The following HIP1 variants were observed in gnomAD, a reference collection of about 807,000 sequenced individuals.
HIP1 encodes huntingtin interacting protein 1, also known as huntingtin-interacting protein 1.
HIP1 carries 65 observed loss-of-function variants against 147.6 expected under a neutral mutation model. The ratio of observed to expected loss-of-function variants is 0.44; its 90% confidence interval spans 0.36 to 0.54. The LOEUF is 0.54. Ranked by LOEUF, HIP1 falls within the 20% of genes least tolerant of loss-of-function variation. The pLI is 0.00. For missense variants in HIP1, 1,061 were observed against 1,299.6 expected, an observed-to-expected ratio of 0.82 and a Z score of 2.82; for synonymous variants, 479 against 504.0, an observed-to-expected ratio of 0.95 and a Z score of 0.67.
chr7:75,559,927 C>A lies in HIP1; in HGVS notation c.1192-12G>T, dbSNP rs782564908. On this transcript the variant is annotated splice_polypyrimidine_tract_variant and intron_variant, in intron 13 of 30. Coordinates refer to ENST00000336926, the MANE Select transcript of HIP1 (RefSeq NM_005338.7). ...ACAACCCGCTGGCTCTGTGGGGGGA[C>A]TCCGGTCATGAGGCCAACCGCCCAC... is the stretch of plus-strand genomic sequence containing the variant. The A allele has an allele frequency of 2.5e-6, 4 of 1,584,650 alleles. No individual in the cohort carries two copies. In the East Asian group the frequency reaches 9.0e-5, roughly 36 times the overall value.
intron 1 of HIP1, among the ~76,000 whole-genome samples, chr7:75,651,195 C>G (rs1483269862): frequency 6.6e-6 from 1 of 151,912 alleles, no homozygotes; most frequent in African/African-American, 2.4e-5. Context: ...CACAGTGGCT[C>G]ACACCTGTAA....
Position 75,553,596 on chromosome 7 carries a change from A to G in HIP1, c.2159-7T>C, listed in dbSNP as rs1554492566. The G allele has an allele frequency of 1.2e-6, 2 of 1,611,866 alleles. No homozygotes were observed. The highest frequency in any genetic ancestry group is 2.7e-5 in the African/African-American group (2 of 74,836). ...TTACAGGCCTCGGTCAGTGCTGGAG[A>G]TACAAGGCAATAGACACTTTTTTTT... On this transcript the variant is annotated splice_region_variant and splice_polypyrimidine_tract_variant and intron_variant, in intron 21 of 30. Transcript: ENST00000336926.
At chr7:75,681,943 G>A (rs990081314) in intron 1 of HIP1, among the ~76,000 whole-genome samples, 1 of 151,514 alleles carries the variant, frequency 6.6e-6, no homozygotes, top group Non-Finnish European at 1.5e-5. Flanking sequence ...CCTGCTCATG[G>A]AAAGAGGTCA....
At chr7:75,692,284 G>A (rs2117300491) in intron 1 of HIP1, among the ~76,000 whole-genome samples, 1 of 151,716 alleles carries the variant, frequency 6.6e-6, no homozygotes, top group Middle Eastern at 3.4e-3. Flanking sequence ...TTTAAGGCAG[G>A]GTCTTGCTGT....
At chr7:75,628,780 G>C (rs1554508406) in intron 1 of HIP1, among the ~76,000 whole-genome samples, 1 of 152,146 alleles carries the variant, frequency 6.6e-6, no homozygotes, top group African/African-American at 2.4e-5. Flanking sequence ...CATGCGGCCT[G>C]TACCTCTTTT....
chr7:75,553,345 T>G, intron 22 of HIP1, 108 bp downstream of exon 22: 1 of 1,346,436 alleles, frequency 7.4e-7, no homozygotes, highest in Non-Finnish European at 1.0e-6. Flanking sequence ...AGAATCAAGT[T>G]CTAAGTGCAG....
At position 75,592,458 on chromosome 7, in the gene HIP1, T is replaced by C. The variant is rs782393750; in HGVS notation, c.241A>G (p.Asn81Asp). The C allele has an allele frequency of 1.2e-6, 2 of 1,612,492 alleles. No homozygotes were observed. Among genetic ancestry groups the C allele is most frequent in the East Asian group, 4.5e-5 (2 of 44,866 alleles). ...KGAQTFWSVV[N>D]RLPLSSNAVL... ...GCGTTGCTAGACAGAGGCAGGCGGTTGACAACAGACCAGAAGGTCTGTGCC... is the reference window on the plus strand; with the variant it reads ...GCGTTGCTAGACAGAGGCAGGCGGTCGACAACAGACCAGAAGGTCTGTGCC... Residue 81 changes from asparagine to aspartate, a missense_variant, in exon 3 of 31, where the codon AAC becomes GAC. Around this residue, in one of 3 missense-constraint regions of HIP1, gnomAD observed 225 missense variants for 292.9 expected, o/e 0.77. Coordinates refer to ENST00000336926, the MANE Select transcript of HIP1 (RefSeq NM_005338.7).
At chr7:75,638,744 T>G (rs1399588978) in intron 1 of HIP1, among the ~76,000 whole-genome samples, 1 of 151,750 alleles carries the variant, frequency 6.6e-6, no homozygotes, top group Non-Finnish European at 1.5e-5. Context: ...CTGCCCTCCC[T>G]CCCGTCCGGC....
intron 1 of HIP1, among the ~76,000 whole-genome samples, chr7:75,736,123 C>T (rs926429933): frequency 1.3e-5 from 2 of 151,776 alleles, no homozygotes; most frequent in Non-Finnish European, 2.9e-5. Flanking sequence ...TCTTTTTCTG[C>T]TCCACTCTAC....
chr7:75,534,881 A>G lies in HIP1; in HGVS notation c.*3291T>C. On this transcript the variant is annotated 3_prime_UTR_variant, in exon 31 of 31. Coordinates refer to ENST00000336926, the MANE Select transcript of HIP1 (RefSeq NM_005338.7). ...TGTCCCATCTTGTCATGACCCATTTACGCTCACCCGAGACTTGTCACTAGT... is the reference window on the plus strand; with the variant it reads ...TGTCCCATCTTGTCATGACCCATTTGCGCTCACCCGAGACTTGTCACTAGT... 4.8e-6 allele frequency: 1 copy of G among 206,896 alleles called. No homozygotes were observed. The highest frequency in any genetic ancestry group is 9.9e-6 in the Non-Finnish European group (1 of 101,362). 12.8% of individuals were successfully genotyped at this position (206,896 alleles called of 1,614,324 possible).
Position 75,570,580 on chromosome 7 carries a change from C to T in HIP1, c.746-2324G>A, listed in dbSNP as rs587737394. Among the ~76,000 whole-genome samples, 31 of 152,120 alleles carry T rather than the reference C, an allele frequency of 2.0e-4. 1 individual carries two copies. The highest frequency in any genetic ancestry group is 1.2e-3 in the South Asian group (6 of 4,802). ...TGCTGGGATTACAGGCGTGAGCCAC[C>T]GTGCCCGGCCAGTTGTGGCAAATGT... is the stretch of plus-strand genomic sequence containing the variant. On this transcript the variant is annotated intron_variant, in intron 8 of 30. Coordinates refer to ENST00000336926, the MANE Select transcript of HIP1 (RefSeq NM_005338.7).
intron 2 of HIP1, among the ~76,000 whole-genome samples, chr7:75,593,531 G>A (rs373010170): frequency 3.3e-5 from 5 of 151,168 alleles, no homozygotes; most frequent in East Asian, 3.9e-4. Flanking sequence ...TCAGGAGGCT[G>A]AGGCAAGAGA....
Position 75,549,633 on chromosome 7 carries a change from G to A in HIP1, c.2296-632C>T, listed in dbSNP as rs185385350. ...AATCCTCCTGCCTCAGCCTCCCAAA[G>A]TGCTGGGATTACAGGTGTAAGCCAC... On this transcript the variant is annotated intron_variant, in intron 22 of 30. Coordinates refer to ENST00000336926, the MANE Select transcript of HIP1 (RefSeq NM_005338.7). 1.7e-3 allele frequency among the ~76,000 whole-genome samples: 260 copies of A among 151,638 alleles called. 2 individuals carry two copies. Among genetic ancestry groups the A allele is most frequent in the African/African-American group, 5.8e-3 (241 of 41,360 alleles).
chr7:75,613,085 T>TCA (rs143183301), intron 1 of HIP1, among the ~76,000 whole-genome samples: 24,932 of 148,098 alleles, frequency 0.17, 4,094 homozygotes, highest in African/African-American at 0.43. Context: ...CCAACTTGGG[T>TCA]CACACACACA....
intron 1 of HIP1, among the ~76,000 whole-genome samples, chr7:75,613,381 G>A (rs587657522): frequency 1.3e-5 from 2 of 152,210 alleles, no homozygotes; most frequent in East Asian, 3.9e-4. Context: ...CTTGGAATTT[G>A]CTGCCCAACA....
chr7:75,669,245 C>T (rs1384851854), intron 1 of HIP1, among the ~76,000 whole-genome samples: 1 of 151,592 alleles, frequency 6.6e-6, no homozygotes, highest in African/African-American at 2.4e-5. Flanking sequence ...TGGCGGCGGG[C>T]GCCTGTAGTC....
chr7:75,576,555 C>G (rs1795852257), intron 7 of HIP1, among the ~76,000 whole-genome samples: 1 of 152,028 alleles, frequency 6.6e-6, no homozygotes, highest in African/African-American at 2.4e-5. Flanking sequence ...AACCCCATCT[C>G]TACTAAAAAT....
chr7:75,540,190 G>T (rs587710155), intron 29 of HIP1, among the ~76,000 whole-genome samples: 1 of 152,102 alleles, frequency 6.6e-6, no homozygotes, highest in East Asian at 1.9e-4. Flanking sequence ...CACTTTGGGA[G>T]GCCAACGTGG....
Position 75,664,004 on chromosome 7 carries a change from GTGTATATATATACACATATATGTGTA to G in HIP1, c.121-64783_121-64758del, listed in dbSNP as rs1799419065. On this transcript the variant is annotated intron_variant, in intron 1 of 30. Coordinates refer to ENST00000336926, the MANE Select transcript of HIP1 (RefSeq NM_005338.7). ...TATGTGTATATATATACACATATATGTGTATATATATACACATATATGTGTATATATATACACATATATGTGTATAT... is the reference window on the plus strand; with the variant it reads ...TATGTGTATATATATACACATATATGTATATATACACATATATGTGTATAT... 7.9e-5 allele frequency among the ~76,000 whole-genome samples: 2 copies of G among 25,258 alleles called. 1 individual carries two copies. The highest frequency in any genetic ancestry group is 1.2e-4 in the Non-Finnish European group (2 of 16,108). The allele number at this position is 25,258 out of a possible 152,430, so 16.6% of individuals were successfully genotyped here.
Sources: allele counts gnomAD v4.1 joint callset (sites outside exome capture counted in the v4.1 genomes callset), GRCh38; gene constraint gnomAD v4.1.1; regional missense constraint gnomAD v4.1.1; transcripts MANE v1.5; gene names NCBI Gene and HGNC (gene_info 2026-07-23, HGNC 2026-07-21).